RGS6: variants seen among roughly 807,000 people sequenced by gnomAD.
RGS6 encodes the protein regulator of G-protein signaling 6.
Under a neutral mutation model 78.5 loss-of-function variants are expected in RGS6, and 30 were observed. The observed-to-expected ratio is 0.38, with a 90% CI of 0.29 to 0.52. The LOEUF (loss-of-function observed/expected upper bound fraction) is 0.52, where lower values mean the gene tolerates loss of function less well. RGS6 is among the 20% of genes least tolerant of loss of function. The probability of loss-of-function intolerance (pLI) is 0.85; values close to 1 mark genes in which losing one functional copy is unlikely to be tolerated. For missense variants in RGS6, 495 were observed against 609.7 expected (o/e 0.81, Z 1.98); for synonymous variants, 206 against 206.0 (o/e 1.00, Z 0.00).
the RGS6 span, among the ~76,000 whole-genome samples, chr14:72,610,445 T>A: frequency 1.3e-5 from 2 of 152,180 alleles, no homozygotes; most frequent in African/African-American, 4.8e-5. Flanking sequence ...AGCCTGTCCC[T>A]GAGAAGAGAC....
intron 12 of RGS6, among the ~76,000 whole-genome samples, chr14:72,488,531 G>T (rs955859507): frequency 2.0e-5 from 3 of 152,170 alleles, no homozygotes; most frequent in African/African-American, 7.2e-5. Context: ...AAAGAGATCT[G>T]GCTATGAGCC....
chr14:72,270,790 TC>T (rs916262728), intron 2 of RGS6, among the ~76,000 whole-genome samples: 5 of 152,296 alleles, frequency 3.3e-5, no homozygotes, highest in Middle Eastern at 6.8e-3. Flanking sequence ...TTACACCTTT[TC>T]CCAAGTCCTC....
chr14:72,256,639 T>C (rs553429137), intron 2 of RGS6, among the ~76,000 whole-genome samples: 1 of 152,292 alleles, frequency 6.6e-6, no homozygotes, highest in African/African-American at 2.4e-5. Flanking sequence ...GGGTTAGTTT[T>C]GGGAAAGGGC....
In RGS6 at chr14:72,190,309, A is replaced by C. The variant is rs1227660171; in HGVS notation, c.85-161786A>C. Among the ~76,000 whole-genome samples the C allele has an allele frequency of 3.9e-5, 6 of 152,254 alleles. No individual in the cohort carries two copies. In the East Asian group the frequency reaches 1.2e-3, roughly 29 times the overall value. On this transcript the variant is annotated intron_variant, in intron 2 of 17. Transcript: ENST00000553525. The stretch of plus-strand genomic sequence containing the variant: ...CTGCAGACAATTTCAGCATCCAGTC[A>C]TGCTTATTTCTTGAAGGAAAAGGAC...
At chr14:72,109,231 G>A (rs2095700844) in intron 2 of RGS6, among the ~76,000 whole-genome samples, 1 of 151,824 alleles carries the variant, frequency 6.6e-6, no homozygotes, top group East Asian at 1.9e-4. Flanking sequence ...GGCTAATTGT[G>A]TAACAATTTG....
At chr14:71,957,022 A>T (rs2092840623) in intron 1 of RGS6, among the ~76,000 whole-genome samples, 1 of 152,148 alleles carries the variant, frequency 6.6e-6, no homozygotes, top group Admixed American at 6.5e-5. Context: ...AGAGTGGAGG[A>T]TGCTTGTAGT....
chr14:72,602,198 C>G, the RGS6 span, among the ~76,000 whole-genome samples: 1 of 152,180 alleles, frequency 6.6e-6, no homozygotes, highest in African/African-American at 2.4e-5. Context: ...TTTCCTCGGC[C>G]CTGTTCTGCC....
intron 3 of RGS6, among the ~76,000 whole-genome samples, chr14:72,438,196 C>T (rs1416292551): frequency 3.3e-5 from 5 of 152,146 alleles, no homozygotes; most frequent in Admixed American, 3.3e-4. Flanking sequence ...AAGAGTGAAG[C>T]TCAGGTGACA....
rs545009785 is a variant in RGS6, at chr14:72,115,602, C to T, written c.84+150727C>T. Reference sequence around the variant, plus strand: ...CAGGCCCATCTGCTTCCTGCCCCCTCAGCCTGCTGGTGAGCCAGCAGATAA... The same window carrying T: ...CAGGCCCATCTGCTTCCTGCCCCCTTAGCCTGCTGGTGAGCCAGCAGATAA... On this transcript the variant is annotated intron_variant, in intron 2 of 17. Coordinates refer to ENST00000553525, the MANE Select transcript of RGS6 (RefSeq NM_001204424.2). Among the ~76,000 whole-genome samples the T allele has an allele frequency of 2.0e-5, 3 of 152,306 alleles. No individual in the cohort carries two copies. The South Asian group carries it at 6.2e-4, about 32-fold the overall frequency.
At chr14:72,383,203 TATATATATATAC>T (rs2086752567) in intron 3 of RGS6, among the ~76,000 whole-genome samples, 1 of 116,972 alleles carries the variant, frequency 8.5e-6, no homozygotes, top group African/African-American at 3.7e-5. Context: ...TATATATATA[TATATATATATAC>T]ACACAAACAC....
At position 72,178,398 on chromosome 14, in the gene RGS6, G is replaced by T. The variant is rs1258720206; in HGVS notation, c.85-173697G>T. Among the ~76,000 whole-genome samples the T allele has an allele frequency of 2.0e-5, 3 of 152,204 alleles. No homozygotes were observed. The South Asian group carries it at 6.2e-4, about 32-fold the overall frequency. On this transcript the variant is annotated intron_variant, in intron 2 of 17. Coordinates refer to ENST00000553525, the MANE Select transcript of RGS6 (RefSeq NM_001204424.2). ...GTCCTGATTCTGGCATATTACCAGAGGCCAGTCTTTCCTGATCTCCTCCTA... is the reference window on the plus strand; with the variant it reads ...GTCCTGATTCTGGCATATTACCAGATGCCAGTCTTTCCTGATCTCCTCCTA...
chr14:72,111,491 T>G (rs2095761275), intron 2 of RGS6, among the ~76,000 whole-genome samples: 1 of 152,190 alleles, frequency 6.6e-6, no homozygotes, highest in Admixed American at 6.5e-5. Context: ...TAATAGAATC[T>G]TAAATGGGAA....
intron 3 of RGS6, among the ~76,000 whole-genome samples, chr14:72,360,529 C>CA (rs1439618494): frequency 6.6e-6 from 1 of 150,626 alleles, no homozygotes; most frequent in African/African-American, 2.4e-5. Flanking sequence ...CTCAAACAAA[C>CA]AAACAAAACA....
intron 3 of RGS6, among the ~76,000 whole-genome samples, chr14:72,434,221 C>G (rs550065352): frequency 3.9e-5 from 6 of 152,186 alleles, no homozygotes; most frequent in Non-Finnish European, 8.8e-5. Context: ...CCTATAGTCT[C>G]AGCTACTCCA....
intron 2 of RGS6, among the ~76,000 whole-genome samples, chr14:71,986,464 G>A (rs1000251991): frequency 6.6e-6 from 1 of 152,156 alleles, no homozygotes; most frequent in Non-Finnish European, 1.5e-5. Context: ...AGCACTTTGG[G>A]AGGCTGAGAT....
chr14:72,532,879 C>T (rs541589098), intron 15 of RGS6, among the ~76,000 whole-genome samples: 1 of 152,308 alleles, frequency 6.6e-6, no homozygotes, highest in Non-Finnish European at 1.5e-5. Context: ...AAAAAGAAAC[C>T]AAGTCCATAA....
chr14:72,266,321 A>C (rs2059062386), intron 2 of RGS6, among the ~76,000 whole-genome samples: 2 of 152,232 alleles, frequency 1.3e-5, no homozygotes, highest in Admixed American at 1.3e-4. Context: ...GGCTTCCACA[A>C]GAGTGAGCAT....
chr14:72,040,760 CTTTG>C (rs535032890), intron 2 of RGS6, among the ~76,000 whole-genome samples: 1 of 151,990 alleles, frequency 6.6e-6, no homozygotes, highest in South Asian at 2.1e-4. Context: ...GTGTTTCTTT[CTTTG>C]TTTCTTTTTT....
chr14:72,377,899 G>T (rs1194673978), intron 3 of RGS6, among the ~76,000 whole-genome samples: 1 of 152,186 alleles, frequency 6.6e-6, no homozygotes, highest in African/African-American at 2.4e-5. Context: ...GCTCTCTTGA[G>T]CCCAAGAGGG....
Sources: gnomAD v4.1 joint callset for allele counts (sites outside exome capture counted in the v4.1 genomes callset) on GRCh38, gnomAD v4.1.1 for gene constraint, MANE v1.5 for transcripts, NCBI Gene and HGNC (gene_info 2026-07-23, HGNC 2026-07-21) for gene names.